Variants in CCDC85A observed in about 807,000 individuals in gnomAD.
CCDC85A encodes coiled-coil domain containing 85A, also known as coiled-coil domain-containing protein 85A.
In CCDC85A, 38 loss-of-function variants were observed where a neutral mutation model predicts 50.2. That is an observed-to-expected ratio of 0.76 (90% CI 0.58 to 0.99). CCDC85A has a LOEUF of 0.99. Ranked by LOEUF, CCDC85A falls within the 50% of genes least tolerant of loss-of-function variation. The pLI is 0.00. For missense variants in CCDC85A, 820 were observed against 742.0 expected (o/e 1.11, Z -1.22); for synonymous variants, 366 against 301.4 (o/e 1.21, Z -2.22).
At chr2:56,295,791 A>T (rs1671921357) in intron 2 of CCDC85A, among the ~76,000 whole-genome samples, 1 of 152,134 alleles carries the variant, frequency 6.6e-6, no homozygotes, top group Non-Finnish European at 1.5e-5. Flanking sequence ...TGCCTGGAGG[A>T]ATCTCCCTCC....
intron 2 of CCDC85A, among the ~76,000 whole-genome samples, chr2:56,262,574 A>G (rs1335070375): frequency 6.6e-6 from 1 of 152,134 alleles, no homozygotes; most frequent in Non-Finnish European, 1.5e-5. Flanking sequence ...GATGCTCATG[A>G]CCAGTGGTAG....
intron 1 of CCDC85A, 118 bp downstream of exon 1, chr2:56,185,018 G>A (rs1486540021): frequency 3.1e-6 from 4 of 1,270,416 alleles, no homozygotes; most frequent in Non-Finnish European, 4.2e-6. Context: ...CCCTTCTCCC[G>A]GTCGGCACCC....
At chr2:56,309,313 G>A (rs1449544547) in intron 2 of CCDC85A, among the ~76,000 whole-genome samples, 3 of 152,236 alleles carry the variant, frequency 2.0e-5, no homozygotes, top group Non-Finnish European at 2.9e-5. Flanking sequence ...TACACAGATC[G>A]TAGCAGTTTT....
At chr2:56,296,389 T>C (rs1311883479) in intron 2 of CCDC85A, among the ~76,000 whole-genome samples, 1 of 152,192 alleles carries the variant, frequency 6.6e-6, no homozygotes, top group Non-Finnish European at 1.5e-5. Flanking sequence ...GTAGTTTTCT[T>C]CTTTCCCTTT....
chr2:56,327,760 T>C (rs1673549573), intron 2 of CCDC85A, among the ~76,000 whole-genome samples: 1 of 139,176 alleles, frequency 7.2e-6, no homozygotes, highest in South Asian at 2.2e-4. Context: ...CTCTCCTTGA[T>C]ATAAATCAGG....
At chr2:56,324,726 C>G (rs1373361746) in intron 2 of CCDC85A, among the ~76,000 whole-genome samples, 6 of 151,960 alleles carry the variant, frequency 3.9e-5, no homozygotes, top group Non-Finnish European at 7.4e-5. Context: ...TTTTAGCTCT[C>G]CTAGTCTTGA....
Position 56,235,575 on chromosome 2 carries a change from C to T in CCDC85A, c.1240+42135C>T, listed in dbSNP as rs567234148. 2.6e-5 allele frequency among the ~76,000 whole-genome samples: 4 copies of T among 152,092 alleles called. No individual in the cohort carries two copies. In the East Asian group the frequency reaches 5.8e-4, roughly 22 times the overall value. On this transcript the variant is annotated intron_variant, in intron 2 of 5. Transcript: ENST00000407595. Reference sequence around the variant, plus strand: ...TTTCTTTTCAAACTTGGTGTCCATCCGTAAGACATTCCTGCAGCAGATGTG... The same window carrying T: ...TTTCTTTTCAAACTTGGTGTCCATCTGTAAGACATTCCTGCAGCAGATGTG...
chr2:56,235,470 A>C (rs72919083), intron 2 of CCDC85A: 2 of 150,712 alleles, frequency 1.3e-5, no homozygotes, highest in Admixed American at 1.3e-4. Context: ...TGAATGAAAA[A>C]GGTAAATTAG....
chr2:56,278,139 C>T (rs984474278), intron 2 of CCDC85A, among the ~76,000 whole-genome samples: 1 of 152,244 alleles, frequency 6.6e-6, no homozygotes, highest in Non-Finnish European at 1.5e-5. Context: ...TCATTAGAAC[C>T]TGTGTGTCTT....
chr2:56,286,006 C>T (rs542362723), intron 2 of CCDC85A, among the ~76,000 whole-genome samples: 2 of 150,934 alleles, frequency 1.3e-5, no homozygotes, highest in African/African-American at 2.4e-5. Context: ...GTTGACAGTC[C>T]CCCCCACCCC....
At chr2:56,380,828 T>C (rs1049145416) in intron 5 of CCDC85A, among the ~76,000 whole-genome samples, 3 of 152,130 alleles carry the variant, frequency 2.0e-5, no homozygotes, top group Admixed American at 6.6e-5. Flanking sequence ...GAGGAAGCCA[T>C]TGTTAAATGC....
intron 2 of CCDC85A, among the ~76,000 whole-genome samples, chr2:56,260,088 G>A (rs941242133): frequency 6.6e-6 from 1 of 152,202 alleles, no homozygotes; most frequent in Non-Finnish European, 1.5e-5. Context: ...AGAGAAGTAG[G>A]ATCTGAAGGG....
At chr2:56,204,134 C>T (rs1018283613) in intron 2 of CCDC85A, among the ~76,000 whole-genome samples, 1 of 152,114 alleles carries the variant, frequency 6.6e-6, no homozygotes, top group Non-Finnish European at 1.5e-5. Flanking sequence ...CTGGAATTGC[C>T]AACTTTTTAC....
intron 2 of CCDC85A, among the ~76,000 whole-genome samples, chr2:56,204,988 T>G (rs1420542404): frequency 6.6e-6 from 1 of 152,184 alleles, no homozygotes; most frequent in Non-Finnish European, 1.5e-5. Flanking sequence ...ATAGTAGCTT[T>G]CTTTTGCTTG....
chr2:56,332,598 A>T (rs891279150), intron 2 of CCDC85A, among the ~76,000 whole-genome samples: 1 of 151,878 alleles, frequency 6.6e-6, no homozygotes, highest in Non-Finnish European at 1.5e-5. Context: ...GCACTCCCCA[A>T]CAGGTGCTCT....
intron 3 of CCDC85A, among the ~76,000 whole-genome samples, chr2:56,346,327 C>A (rs1321073987): frequency 6.6e-6 from 1 of 152,170 alleles, no homozygotes; most frequent in Non-Finnish European, 1.5e-5. Context: ...TCAGCTCTTA[C>A]ATTTTGTGGG....
chr2:56,336,446 G>A (rs1339396706), intron 2 of CCDC85A, among the ~76,000 whole-genome samples: 2 of 152,146 alleles, frequency 1.3e-5, no homozygotes, highest in African/African-American at 4.8e-5. Flanking sequence ...AAGCCAGTGT[G>A]CCCAGCCTCC....
intron 2 of CCDC85A, among the ~76,000 whole-genome samples, chr2:56,228,477 A>G (rs1406877295): frequency 2.6e-5 from 4 of 152,060 alleles, no homozygotes; most frequent in Non-Finnish European, 5.9e-5. Context: ...ATTTTCATGC[A>G]ATAAAAGTCT....
chr2:56,362,340 G>T (rs1427793524), intron 3 of CCDC85A, among the ~76,000 whole-genome samples: 1 of 152,044 alleles, frequency 6.6e-6, no homozygotes, highest in Non-Finnish European at 1.5e-5. Flanking sequence ...CATCAACAAG[G>T]AGATGTCACA....
Sources: gnomAD v4.1 joint callset for allele counts (sites outside exome capture counted in the v4.1 genomes callset) on GRCh38, gnomAD v4.1.1 for gene constraint, MANE v1.5 for transcripts, NCBI Gene and HGNC (gene_info 2026-07-23, HGNC 2026-07-21) for gene names.